The following KLF8 variants were observed in gnomAD, a reference collection of about 807,000 sequenced individuals.
KLF8 encodes the protein Krueppel-like factor 8.
In KLF8, 10 loss-of-function variants were observed where a neutral mutation model predicts 18.2. The ratio of observed to expected loss-of-function variants is 0.55; its 90% CI spans 0.34 to 0.93. The LOEUF (loss-of-function observed/expected upper bound fraction) is 0.93, where lower values mean the gene tolerates loss of function less well. Ranked by LOEUF, KLF8 falls within the 40% of genes least tolerant of loss-of-function variation. The pLI is 0.02. For missense variants in KLF8, 264 were observed against 277.9 expected (o/e 0.95, Z 0.36); for synonymous variants, 109 against 97.3 (o/e 1.12, Z -0.71).
At chrX:56,148,257 T>C in the KLF8 span, among the ~76,000 whole-genome samples, 1 of 111,346 alleles carries the variant, frequency 9.0e-6, no homozygotes, top group East Asian at 2.8e-4. Flanking sequence ...AAAATATGAA[T>C]AACTTAAAAT....
the KLF8 span, among the ~76,000 whole-genome samples, chrX:56,163,126 G>T: frequency 8.9e-6 from 1 of 111,928 alleles, no homozygotes; most frequent in African/African-American, 3.3e-5. Flanking sequence ...GGGATTTCTA[G>T]TTCAAATGGC....
At chrX:56,187,716 A>G in the KLF8 span, among the ~76,000 whole-genome samples, 2 of 111,301 alleles carry the variant, frequency 1.8e-5, no homozygotes, top group Non-Finnish European at 3.8e-5. Flanking sequence ...AGGCTGATTC[A>G]ATATATGCAA....
chrX:56,023,597 C>T, the KLF8 span, among the ~76,000 whole-genome samples: 9 of 110,804 alleles, frequency 8.1e-5, no homozygotes, highest in Non-Finnish European at 1.9e-5. Flanking sequence ...ATACCTTCAC[C>T]TAAACTGAAC....
At chrX:56,148,986 C>A in the KLF8 span, among the ~76,000 whole-genome samples, 1 of 112,252 alleles carries the variant, frequency 8.9e-6, no homozygotes, top group African/African-American at 3.2e-5. Flanking sequence ...TGAAGGGCTT[C>A]ATAGCCCATA....
intron 3 of KLF8, chrX:56,268,845 G>A (rs999642338): frequency 2.3e-5 from 19 of 843,245 alleles, no homozygotes; most frequent in Non-Finnish European, 2.7e-5. Context: ...AGGTGGAAAG[G>A]AAGGTTGTAT....
chrX:55,971,555 A>G, the KLF8 span, among the ~76,000 whole-genome samples: 1 of 111,099 alleles, frequency 9.0e-6, no homozygotes, highest in East Asian at 2.8e-4. Flanking sequence ...ACAAAAATGG[A>G]AAAATAGATT....
chrX:56,171,640 G>T, the KLF8 span, among the ~76,000 whole-genome samples: 114 of 111,264 alleles, frequency 1.0e-3, no homozygotes, highest in African/African-American at 3.4e-3. Flanking sequence ...TTTTATCCTT[G>T]TGATGGTTTG....
the KLF8 span, among the ~76,000 whole-genome samples, chrX:56,071,140 A>C: frequency 8.9e-6 from 1 of 112,127 alleles, no homozygotes; most frequent in Admixed American, 9.4e-5. Context: ...TAACCTCAGC[A>C]GAAGCATTTT....
chrX:56,282,475 T>G (rs182776269), intron 5 of KLF8, among the ~76,000 whole-genome samples: 1 of 112,460 alleles, frequency 8.9e-6, no homozygotes, highest in African/African-American at 3.2e-5. Flanking sequence ...TGCCTTGATA[T>G]AGTCCAAAGC....
At chrX:56,035,065 C>A in the KLF8 span, among the ~76,000 whole-genome samples, 2 of 111,787 alleles carry the variant, frequency 1.8e-5, no homozygotes, top group Non-Finnish European at 3.8e-5. Flanking sequence ...GAACTTATTT[C>A]TTTTATCTAG....
At chrX:55,982,184 G>A in the KLF8 span, among the ~76,000 whole-genome samples, 4 of 111,789 alleles carry the variant, frequency 3.6e-5, no homozygotes, top group East Asian at 1.1e-3. Flanking sequence ...TCTCCTCAGA[G>A]TGATATATTA....
Position 56,250,220 on chromosome X carries a change from C to A in KLF8, c.8-11C>A. 8.4e-7 allele frequency: 1 copy of A among 1,183,980 alleles called. No individual in the cohort carries two copies. The highest frequency in any genetic ancestry group is 1.1e-6 in the Non-Finnish European group (1 of 873,128). The stretch of plus-strand genomic sequence containing the variant: ...ATTCTGAAAGTTGTCTTTTCCTTTT[C>A]TCTTTTCCAGATATGGATAAACTCA... On this transcript the variant is annotated splice_polypyrimidine_tract_variant and intron_variant, in intron 1 of 5. Transcript: ENST00000468660.
the KLF8 span, among the ~76,000 whole-genome samples, chrX:55,991,327 G>A: frequency 8.9e-6 from 1 of 112,346 alleles, no homozygotes; most frequent in Non-Finnish European, 1.9e-5. Context: ...TAATCTCCTG[G>A]TATGCCTTTT....
the KLF8 span, among the ~76,000 whole-genome samples, chrX:56,064,085 G>GTGTGTA: frequency 9.6e-5 from 10 of 103,741 alleles, no homozygotes; most frequent in Non-Finnish European, 1.9e-4. Flanking sequence ...ACATGTGTGT[G>GTGTGTA]TATATATACA....
At chrX:56,135,746 T>C in the KLF8 span, among the ~76,000 whole-genome samples, 2 of 111,655 alleles carry the variant, frequency 1.8e-5, no homozygotes, top group African/African-American at 6.5e-5. Context: ...TCTGTGGAAA[T>C]TCAGCAACCT....
At chrX:56,060,280 C>T in the KLF8 span, among the ~76,000 whole-genome samples, 2 of 111,927 alleles carry the variant, frequency 1.8e-5, no homozygotes, top group South Asian at 3.7e-4. Flanking sequence ...AAAGGGAATG[C>T]TTCCAGCTTT....
chrX:56,023,095 G>T, the KLF8 span, among the ~76,000 whole-genome samples: 11 of 110,931 alleles, frequency 9.9e-5, no homozygotes, highest in Non-Finnish European at 1.3e-4. Context: ...TAATTTATAG[G>T]ACAATTACAA....
At chrX:56,064,481 T>C in the KLF8 span, among the ~76,000 whole-genome samples, 1,617 of 110,918 alleles carry the variant, frequency 0.015, 39 homozygotes, top group African/African-American at 0.05. Flanking sequence ...AGTCAATATC[T>C]TTTAAGTGGA....
chrX:56,174,072 T>C, the KLF8 span, among the ~76,000 whole-genome samples: 2 of 111,751 alleles, frequency 1.8e-5, no homozygotes, highest in Non-Finnish European at 3.8e-5. Context: ...CTTTTCCTGA[T>C]TGAATAACCT....
Sources: allele counts gnomAD v4.1 joint callset (sites outside exome capture counted in the v4.1 genomes callset), GRCh38; gene constraint gnomAD v4.1.1; transcripts MANE v1.5; gene names NCBI Gene and HGNC (gene_info 2026-07-23, HGNC 2026-07-21).